LRP1B: variants seen among roughly 807,000 people sequenced by gnomAD.
The protein encoded by LRP1B is low-density lipoprotein receptor-related protein 1B.
LRP1B carries 217 observed loss-of-function variants against 556.6 expected under a neutral mutation model. That is an observed-to-expected ratio of 0.39 (90% confidence interval 0.35 to 0.44). LRP1B has a LOEUF of 0.44. LRP1B is among the 20% of genes least tolerant of loss of function. LRP1B has a pLI of 1.00. For synonymous variants in LRP1B, 2,047 were observed against 1,865.8 expected, an observed-to-expected ratio of 1.10 and a Z score of -2.50; for missense variants, 5,053 against 5,620.8, an observed-to-expected ratio of 0.90 and a Z score of 3.23.
intron 5 of LRP1B, among the ~76,000 whole-genome samples, chr2:141,239,716 A>G (rs565102969): frequency 6.6e-6 from 1 of 151,990 alleles, no homozygotes; most frequent in Non-Finnish European, 1.5e-5. Flanking sequence ...GGGTGAGAAA[A>G]TTCTCTTTTA....
chr2:140,677,050 A>G (rs1685695260), intron 41 of LRP1B, among the ~76,000 whole-genome samples: 1 of 152,260 alleles, frequency 6.6e-6, no homozygotes, highest in African/African-American at 2.4e-5. Flanking sequence ...AGGGAAGAAA[A>G]GCAGTGTTGT....
chr2:141,963,091 A>G (rs1701448426), intron 1 of LRP1B, among the ~76,000 whole-genome samples: 1 of 151,842 alleles, frequency 6.6e-6, no homozygotes, highest in South Asian at 2.1e-4. Context: ...CTAAAAATCA[A>G]TTATAGGCCA....
chr2:140,735,586 G>C (rs909999568), intron 35 of LRP1B, among the ~76,000 whole-genome samples: 6 of 152,128 alleles, frequency 3.9e-5, no homozygotes, highest in Non-Finnish European at 2.9e-5. Context: ...GAGAATATCT[G>C]GATGTATGTC....
At chr2:141,467,631 G>C (rs903461793) in intron 3 of LRP1B, among the ~76,000 whole-genome samples, 1 of 152,082 alleles carries the variant, frequency 6.6e-6, no homozygotes, top group African/African-American at 2.4e-5. Flanking sequence ...ATTTTGCACT[G>C]AGAGAAAGTT....
At chr2:142,122,206 G>C (rs1426557562) in intron 1 of LRP1B, among the ~76,000 whole-genome samples, 1 of 152,012 alleles carries the variant, frequency 6.6e-6, no homozygotes, top group African/African-American at 2.4e-5. Flanking sequence ...ATTACTTTAT[G>C]TTCTCCTAGC....
chr2:141,818,638 T>A (rs7587173), intron 1 of LRP1B, among the ~76,000 whole-genome samples: 121,804 of 148,668 alleles, frequency 0.82, 50,080 homozygotes, highest in East Asian at 0.88. Flanking sequence ...CCAGGTTCAC[T>A]CCATTCTCCT....
At chr2:141,723,843 A>C (rs1334309704) in intron 2 of LRP1B, among the ~76,000 whole-genome samples, 2 of 151,786 alleles carry the variant, frequency 1.3e-5, no homozygotes, top group East Asian at 3.9e-4. Flanking sequence ...ATAAGTGAAC[A>C]CTAAAATCAA....
chr2:140,529,015 T>G (rs1156744944), intron 47 of LRP1B, among the ~76,000 whole-genome samples: 1 of 151,962 alleles, frequency 6.6e-6, no homozygotes. Context: ...CTAAGAGTCC[T>G]GATAAAGAGA....
At chr2:140,951,522 C>G (rs1695713586) in intron 19 of LRP1B, among the ~76,000 whole-genome samples, 4 of 152,190 alleles carry the variant, frequency 2.6e-5, no homozygotes, top group Admixed American at 2.6e-4. Flanking sequence ...GTATAAGCTT[C>G]TCCTCCTGAG....
At chr2:141,003,779 C>G (rs10928088) in intron 15 of LRP1B, among the ~76,000 whole-genome samples, 1 of 151,740 alleles carries the variant, frequency 6.6e-6, no homozygotes, top group Non-Finnish European at 1.5e-5. Context: ...ACCTTCCTTA[C>G]ACAGTTTTTG....
At chr2:141,323,978 ATACCTGAGCAAGGAAAT>A in intron 3 of LRP1B, among the ~76,000 whole-genome samples, 7 of 146,610 alleles carry the variant, frequency 4.8e-5, no homozygotes, top group Admixed American at 6.8e-5. Flanking sequence ...ATGTACTCAC[ATACCTGAGCAAGGAAAT>A]CACACACACA....
intron 36 of LRP1B, 60 bp downstream of exon 36, chr2:140,716,622 C>A (rs1687219495): frequency 1.3e-6 from 2 of 1,491,922 alleles, no homozygotes; most frequent in Non-Finnish European, 9.0e-7. Flanking sequence ...TTTTATGAAG[C>A]AGTTTGAGCC....
At chr2:140,972,350 T>C (rs1331961337) in intron 18 of LRP1B, among the ~76,000 whole-genome samples, 2 of 152,176 alleles carry the variant, frequency 1.3e-5, no homozygotes, top group Non-Finnish European at 2.9e-5. Flanking sequence ...CTTCTCAGTT[T>C]CTTCAGTATC....
In LRP1B at chr2:140,998,404, A is replaced by T. The variant is rs1050606282; in HGVS notation, c.2504-4269T>A. On this transcript the variant is annotated intron_variant, in intron 15 of 90. Coordinates refer to ENST00000389484, the MANE Select transcript of LRP1B (RefSeq NM_018557.3). ...TCTAACTTACTTTTTGGGATTGTTCATGTCTTCATTTATTAATATTCTATA... is the reference window on the plus strand; with the variant it reads ...TCTAACTTACTTTTTGGGATTGTTCTTGTCTTCATTTATTAATATTCTATA... 3.9e-5 allele frequency among the ~76,000 whole-genome samples: 6 copies of T among 152,140 alleles called. 1 individual carries two copies. Among genetic ancestry groups the T allele is most frequent in the African/African-American group, 1.4e-4 (6 of 41,554 alleles).
intron 2 of LRP1B, among the ~76,000 whole-genome samples, chr2:141,696,448 A>C (rs574867186): frequency 1.2e-4 from 18 of 151,916 alleles, no homozygotes; most frequent in Middle Eastern, 3.2e-3. Flanking sequence ...TTTTGCTTTA[A>C]ACTTATATTT....
intron 2 of LRP1B, among the ~76,000 whole-genome samples, chr2:141,609,237 G>A (rs558608704): frequency 3.9e-4 from 60 of 152,234 alleles, no homozygotes; most frequent in Non-Finnish European, 7.9e-4. Context: ...GGCATGAGAT[G>A]TATAGGAGAA....
chr2:140,826,033 G>A (rs1468002055), intron 31 of LRP1B, among the ~76,000 whole-genome samples: 1 of 152,126 alleles, frequency 6.6e-6, no homozygotes, highest in Non-Finnish European at 1.5e-5. Context: ...CAGTTGAAAG[G>A]CCTTATGAAC....
At chr2:141,058,445 T>G (rs1325097921) in intron 9 of LRP1B, among the ~76,000 whole-genome samples, 1 of 151,882 alleles carries the variant, frequency 6.6e-6, no homozygotes, top group East Asian at 1.9e-4. Flanking sequence ...GAAAATTACT[T>G]TTTAATGAAT....
At chr2:140,254,163 C>T (rs1681573020) in intron 86 of LRP1B, among the ~76,000 whole-genome samples, 1 of 152,110 alleles carries the variant, frequency 6.6e-6, no homozygotes, top group Non-Finnish European at 1.5e-5. Flanking sequence ...CGATGTCTGG[C>T]ATATTCAACT....
Sources: gnomAD v4.1 joint callset for allele counts (sites outside exome capture counted in the v4.1 genomes callset) on GRCh38, gnomAD v4.1.1 for gene constraint, MANE v1.5 for transcripts, NCBI Gene and HGNC (gene_info 2026-07-23, HGNC 2026-07-21) for gene names.